LIPF: variants seen among roughly 807,000 people sequenced by gnomAD.
LIPF encodes lipase F, gastric type.
A neutral mutation model predicts 38.0 loss-of-function variants in LIPF; 25 were observed. The ratio of observed to expected loss-of-function variants is 0.66; its 90% CI spans 0.48 to 0.92. The LOEUF (loss-of-function observed/expected upper bound fraction) is 0.92, where lower values mean the gene tolerates loss of function less well. Among genes scored for constraint, LIPF ranks in the 40% least tolerant of loss-of-function variants. The pLI, the probability that LIPF is intolerant of heterozygous loss-of-function variation, is 0.00. For synonymous variants in LIPF, 161 were observed against 156.2 expected, an observed-to-expected ratio of 1.03 and a Z score of -0.23; for missense variants, 410 against 469.9, an observed-to-expected ratio of 0.87 and a Z score of 1.18.
chr10:88,678,515 T>A lies in LIPF; in HGVS notation c.1031T>A (p.Leu344Gln). The stretch of plus-strand genomic sequence containing the variant: ...GCAGTGTGGAACGGTGGCAAGGACC[T>A]GTTGGCTGACCCCCAAGATGTTGGC... ...PIAVWNGGKD[L>Q]LADPQDVGLL... The change falls in exon 10 of 10, where the codon CTG becomes CAG. Residue 344 changes from leucine to glutamine, a missense_variant. Transcript: ENST00000238983. The A allele has an allele frequency of 6.2e-7, 1 of 1,614,056 alleles. No individual in the cohort carries two copies. Among genetic ancestry groups the A allele is most frequent in the Non-Finnish European group, 8.5e-7 (1 of 1,179,946 alleles).
rs758418948 is a variant in LIPF at position 88,678,569 on chromosome 10, T to G, written c.1085T>G (p.Ile362Ser). Residue 362 changes from isoleucine to serine, a missense_variant, in exon 10 of 10, where the codon ATT (isoleucine) becomes AGT (serine). Transcript: ENST00000238983. ...TTGCTTCCAAAACTCCCCAATCTTA[T>G]TTACCACAAGGAGATTCCTTTTTAC... ...GLLLPKLPNL[I>S]YHKEIPFYNH... 51 of 1,613,924 alleles carry G rather than the reference T, an allele frequency of 3.2e-5. No homozygotes were observed. The highest frequency in any genetic ancestry group is 4.3e-5 in the Non-Finnish European group (51 of 1,179,926).
intron 4 of LIPF, 122 bp from the exon 5 acceptor site, chr10:88,669,715 G>A (rs541325789): frequency 2.0e-5 from 13 of 655,164 alleles, no homozygotes; most frequent in Non-Finnish European, 2.9e-5. Context: ...TGGTCTATAA[G>A]CATCAATGTT....
Position 88,667,350 on chromosome 10 carries a change from A to G in LIPF, c.53A>G (p.His18Arg), listed in dbSNP as rs144863166. ...TTGATATCTGTACTGGGGACTACAC[A>G]TGGTTTGTTTGGAAAATTACATCCT... is the stretch of plus-strand genomic sequence containing the variant. ...ASLISVLGTT[H>R]GLFGKLHPGS... Residue 18 changes from histidine to arginine, a missense_variant, in exon 2 of 10, where the codon CAT (histidine) becomes CGT (arginine). Transcript: ENST00000238983. The G allele has an allele frequency of 2.2e-4, 359 of 1,613,522 alleles. No homozygotes were observed. The highest frequency in any genetic ancestry group is 2.9e-4 in the Non-Finnish European group (346 of 1,179,640).
intron 1 of LIPF, among the ~76,000 whole-genome samples, 186 bp from the exon 2 acceptor site, chr10:88,667,101 A>G (rs777474921): frequency 2.6e-5 from 4 of 152,250 alleles, no homozygotes; most frequent in Non-Finnish European, 5.9e-5. Context: ...AAACATGTTA[A>G]GCATTAAAAC....
At chr10:88,674,329 C>T (rs1841652609) in intron 7 of LIPF, among the ~76,000 whole-genome samples, 1 of 152,130 alleles carries the variant, frequency 6.6e-6, no homozygotes, top group Non-Finnish European at 1.5e-5. Flanking sequence ...CCACCACGCC[C>T]GGCTAATTTT....
rs755027503 is a variant in LIPF at position 88,678,479 on chromosome 10, A to G, written c.995A>G (p.Asn332Ser). The change falls in exon 10 of 10, where the codon AAT (asparagine) becomes AGT (serine). Residue 332 changes from asparagine (N) to serine (S), a missense_variant. Transcript: ENST00000238983. Reference protein sequence around the residue: ...QPPYYNVTAMNVPIAVWNGGK... With the variant: ...QPPYYNVTAMSVPIAVWNGGK... ...CCCTACTACAATGTGACAGCCATGAATGTACCAATTGCAGTGTGGAACGGT... is the reference window on the plus strand; with the variant it reads ...CCCTACTACAATGTGACAGCCATGAGTGTACCAATTGCAGTGTGGAACGGT... 6.2e-7 allele frequency: 1 copy of G among 1,614,058 alleles called. No homozygotes were observed.
intron 9 of LIPF, among the ~76,000 whole-genome samples, chr10:88,677,705 T>TA (rs969577927): frequency 1.3e-5 from 2 of 152,194 alleles, no homozygotes; most frequent in Non-Finnish European, 2.9e-5. Context: ...AACTATGATC[T>TA]AAAAAAATCT....
intron 1 of LIPF, among the ~76,000 whole-genome samples, chr10:88,666,690 C>T (rs879795960): frequency 5.9e-5 from 9 of 151,920 alleles, no homozygotes; most frequent in African/African-American, 1.5e-4. Flanking sequence ...CACCCTATCT[C>T]TAAAAAAAAG....
chr10:88,667,400 A>G lies in LIPF; in HGVS notation c.103A>G (p.Ile35Val), dbSNP rs1841528874. The change falls in exon 2 of 10, where the codon ATT (isoleucine) becomes GTT (valine). Residue 35 changes from isoleucine to valine, a missense_variant and splice_region_variant. Transcript: ENST00000238983. ...TGGAAGCCCTGAAGTGACTATGAACATTGTAAGTTACTCTGGGGAAAAACT... is the reference window on the plus strand; with the variant it reads ...TGGAAGCCCTGAAGTGACTATGAACGTTGTAAGTTACTCTGGGGAAAAACT... ...HPGSPEVTMN[I>V]SQMITYWGYP... is the part of the protein sequence containing the mutation. 6.5e-7 allele frequency: 1 copy of G among 1,548,332 alleles called. No individual in the cohort carries two copies. The highest frequency in any genetic ancestry group is 2.2e-5 in the East Asian group (1 of 44,556).
In LIPF at chr10:88,668,719, T is replaced by C; in HGVS notation, c.385T>C (p.Tyr129His). Residue 129 changes from tyrosine (Y) to histidine (H), a missense_variant, in exon 4 of 10, where the codon TAC becomes CAC. By Grantham distance (83) the Tyr-to-His change is moderately conservative. Coordinates refer to ENST00000238983, the MANE Select transcript of LIPF (RefSeq NM_004190.4). ...RGNTWARRNL[Y>H]YSPDSVEFWA... is the part of the protein sequence containing the mutation. The stretch of plus-strand genomic sequence containing the variant: ...AAACACCTGGGCCAGAAGAAACTTG[T>C]ACTATTCACCAGATTCAGTTGAATT... 1.2e-6 allele frequency: 2 copies of C among 1,614,156 alleles called. No homozygotes were observed. The highest frequency in any genetic ancestry group is 1.7e-6 in the Non-Finnish European group (2 of 1,179,998).
chr10:88,665,367 T>C (rs1357368131), intron 1 of LIPF: 3 of 552,002 alleles, frequency 5.4e-6, no homozygotes, highest in East Asian at 2.8e-5. Context: ...CCCTGTTTTA[T>C]AGATGAGAAC....
In LIPF at chr10:88,676,276, A is replaced by G; in HGVS notation, c.956A>G (p.Asp319Gly). ...GSPVQNRMHY[D>G]QSQPPYYNVT... ...CCAGTTCAGAATAGGATGCACTATG[A>G]TCAGGTAAGCTTCTTAAAGATGGAA... Residue 319 changes from aspartate (D) to glycine (G), a missense_variant, in exon 9 of 10, where the codon GAT (aspartate) becomes GGT (glycine). Physicochemically the swap from Asp to Gly is moderately conservative, Grantham distance 94 (BLOSUM62 -1). Coordinates refer to ENST00000238983, the MANE Select transcript of LIPF (RefSeq NM_004190.4). The G allele has an allele frequency of 6.3e-7, 1 of 1,592,040 alleles. No individual in the cohort carries two copies. The highest frequency in any genetic ancestry group is 8.6e-7 in the Non-Finnish European group (1 of 1,164,612).
chr10:88,674,427 C>T (rs1564960517), intron 7 of LIPF, among the ~76,000 whole-genome samples: 1 of 152,128 alleles, frequency 6.6e-6, no homozygotes, highest in Non-Finnish European at 1.5e-5. Flanking sequence ...CTCAGCTTCC[C>T]AAAGTGCTGG....
intron 3 of LIPF, 117 bp downstream of exon 3, chr10:88,667,803 C>A (rs1013225450): frequency 5.2e-5 from 30 of 580,986 alleles, no homozygotes; most frequent in Non-Finnish European, 9.3e-5. Flanking sequence ...TTCCCTTTTT[C>A]CTCCTTTTAT....
chr10:88,674,383 T>C (rs1284050090), intron 7 of LIPF, among the ~76,000 whole-genome samples: 1 of 152,040 alleles, frequency 6.6e-6, no homozygotes, highest in African/African-American at 2.4e-5. Flanking sequence ...TTAGCCAGGA[T>C]GGTCTCAATT....
At chr10:88,675,553 A>G (rs1363880131) in intron 7 of LIPF, 33 bp from the exon 8 acceptor site, 6 of 1,447,678 alleles carry the variant, frequency 4.1e-6, no homozygotes, top group Non-Finnish European at 5.8e-6. Context: ...GTGTCTTAGT[A>G]TGTATATAAT....
rs900413440 is a variant in LIPF, at chr10:88,673,457, C to T, written c.670-131C>T. ...TAACTAAATGAAAGTATTGGAAATT[C>T]CTAAAACAACATGTAAGAATAAGAA... On this transcript the variant is annotated intron_variant, in intron 6 of 9. Transcript: ENST00000238983. 2.5e-5 allele frequency: 19 copies of T among 761,396 alleles called. No homozygotes were observed. In the South Asian group the frequency reaches 2.9e-4, roughly 11 times the overall value. The allele number at this position is 761,396 out of a possible 1,614,324, so 47.2% of individuals were successfully genotyped here.
chr10:88,672,218 A>T (rs1404483912), intron 6 of LIPF, among the ~76,000 whole-genome samples: 3 of 152,166 alleles, frequency 2.0e-5, no homozygotes, highest in Non-Finnish European at 4.4e-5. Flanking sequence ...GCTTTTTCAC[A>T]GATGGTTTGT....
intron 1 of LIPF, among the ~76,000 whole-genome samples, chr10:88,666,167 C>T (rs866152981): frequency 2.2e-4 from 34 of 152,132 alleles, no homozygotes; most frequent in African/African-American, 7.7e-4. Flanking sequence ...AGGAACTATG[C>T]TATGTGCTCT....
Sources: gnomAD v4.1 joint callset for allele counts (sites outside exome capture counted in the v4.1 genomes callset) on GRCh38, gnomAD v4.1.1 for gene constraint, MANE v1.5 for transcripts, NCBI Gene and HGNC (gene_info 2026-07-23, HGNC 2026-07-21) for gene names.